Variants in SKA2 observed in about 807,000 individuals in gnomAD.
The protein encoded by SKA2 is spindle and kinetochore-associated protein 2.
Under a neutral mutation model 16.9 loss-of-function variants are expected in SKA2, and 13 were observed. The observed-to-expected ratio is 0.77, with a 90% CI of 0.50 to 1.22. SKA2 has a LOEUF of 1.22. Among genes scored for constraint, SKA2 ranks in the 50% most tolerant of loss-of-function variants. The pLI is 0.00. For missense variants in SKA2, 107 were observed against 139.7 expected (o/e 0.77, Z 1.18); for synonymous variants, 47 against 48.5 (o/e 0.97, Z 0.13).
chr17:59,117,700 T>C (rs1385667359), intron 3 of SKA2, among the ~76,000 whole-genome samples: 1 of 152,006 alleles, frequency 6.6e-6, no homozygotes, highest in Non-Finnish European at 1.5e-5. Flanking sequence ...GCCAAGATTA[T>C]AGGCATGAGC....
At chr17:59,143,490 T>C (rs1044508989) in intron 1 of SKA2, among the ~76,000 whole-genome samples, 1 of 152,196 alleles carries the variant, frequency 6.6e-6, no homozygotes, top group East Asian at 1.9e-4. Context: ...CAAGCGATTC[T>C]TCTGCCTCAG....
intron 2 of SKA2, among the ~76,000 whole-genome samples, chr17:59,125,720 A>T (rs1449262637): frequency 6.6e-6 from 1 of 151,680 alleles, no homozygotes; most frequent in East Asian, 2.0e-4. Flanking sequence ...AAATACATAA[A>T]AATACTCTGC....
intron 1 of SKA2, among the ~76,000 whole-genome samples, chr17:59,134,289 C>A (rs900576334): frequency 2.0e-5 from 3 of 152,140 alleles, no homozygotes; most frequent in Admixed American, 2.0e-4. Flanking sequence ...AATTACTGAA[C>A]AGACCACAAT....
At chr17:59,127,352 A>G (rs2046378623) in intron 2 of SKA2, among the ~76,000 whole-genome samples, 1 of 152,202 alleles carries the variant, frequency 6.6e-6, no homozygotes, top group Non-Finnish European at 1.5e-5. Context: ...ACCATATTAA[A>G]ATGGTAAATG....
chr17:59,144,889 C>T (rs2046520327), intron 1 of SKA2, among the ~76,000 whole-genome samples: 1 of 152,110 alleles, frequency 6.6e-6, no homozygotes, highest in Admixed American at 6.6e-5. Context: ...CTCCACCTCC[C>T]GGGTTCAAGC....
chr17:59,147,285 A>C (rs1290563359), intron 1 of SKA2, among the ~76,000 whole-genome samples: 1 of 152,124 alleles, frequency 6.6e-6, no homozygotes, highest in African/African-American at 2.4e-5. Flanking sequence ...AGCCCACTAG[A>C]GAACAGTAAG....
intron 2 of SKA2, among the ~76,000 whole-genome samples, chr17:59,128,680 T>C (rs977376786): frequency 1.3e-5 from 2 of 150,700 alleles, no homozygotes; most frequent in African/African-American, 4.9e-5. Context: ...TGAAAGGTCA[T>C]ATATTATATG....
In SKA2 at chr17:59,111,756, TG is replaced by T. The variant is rs2046265121; in HGVS notation, c.*520del. ...AGCCAGCTTATTACTTTAGGTTCTGTGGGAGACTACAGGTCACATAAAAGCA... is the reference window on the plus strand; with the variant it reads ...AGCCAGCTTATTACTTTAGGTTCTGTGGAGACTACAGGTCACATAAAAGCA... On this transcript the variant is annotated 3_prime_UTR_variant, in exon 4 of 4. Transcript: ENST00000330137. The T allele has an allele frequency of 6.6e-6, 1 of 152,362 alleles. No homozygotes were observed. The highest frequency in any genetic ancestry group is 1.5e-5 in the Non-Finnish European group (1 of 68,132). The allele number at this position is 152,362 out of a possible 1,614,324, so 9.4% of individuals were successfully genotyped here. A position where few individuals can be genotyped will look rare whatever the true frequency, so the allele number is the denominator to read the frequency against.
intron 1 of SKA2, among the ~76,000 whole-genome samples, chr17:59,143,366 G>T (rs1304543273): frequency 6.6e-6 from 1 of 151,788 alleles, no homozygotes; most frequent in Non-Finnish European, 1.5e-5. Context: ...ACCATACCTG[G>T]CTAATTTTCG....
intron 1 of SKA2, among the ~76,000 whole-genome samples, chr17:59,152,799 C>A (rs1255825691): frequency 6.7e-6 from 1 of 149,998 alleles, no homozygotes; most frequent in African/African-American, 2.5e-5. Flanking sequence ...TAATTAGAGC[C>A]ATGATAAAAA....
intron 1 of SKA2, among the ~76,000 whole-genome samples, chr17:59,148,784 G>A (rs1271874588): frequency 7.0e-6 from 1 of 142,710 alleles, no homozygotes; most frequent in African/African-American, 2.6e-5. Context: ...ACTGCAACCT[G>A]GGTAATAGAA....
chr17:59,112,896 C>T (rs1178311048), intron 3 of SKA2, among the ~76,000 whole-genome samples: 1 of 151,974 alleles, frequency 6.6e-6, no homozygotes, highest in Non-Finnish European at 1.5e-5. Context: ...CAGATACAAC[C>T]ATCTAATTTT....
chr17:59,116,375 A>AAAAC (rs1221821550), intron 3 of SKA2, among the ~76,000 whole-genome samples: 5 of 151,676 alleles, frequency 3.3e-5, no homozygotes, highest in Admixed American at 1.3e-4. Flanking sequence ...TCCGTCTCAA[A>AAAAC]AAACAAACAA....
At chr17:59,131,587 C>G (rs2046412091) in intron 1 of SKA2, among the ~76,000 whole-genome samples, 2 of 152,130 alleles carry the variant, frequency 1.3e-5, no homozygotes, top group South Asian at 4.1e-4. Flanking sequence ...TCATTCATTT[C>G]TCTATGCCTC....
At chr17:59,137,947 G>A (rs145809496) in intron 1 of SKA2, 47 of 373,334 alleles carry the variant, frequency 1.3e-4, no homozygotes, top group African/African-American at 8.4e-4. Context: ...CTGATAAATC[G>A]CGCAAATTTG....
At chr17:59,154,944 G>GT in intron 1 of SKA2, 187 bp downstream of exon 1, 1 of 1,613,548 alleles carries the variant, frequency 6.2e-7, no homozygotes, top group Non-Finnish European at 8.5e-7. Context: ...TTTCCCGGAT[G>GT]TAACCCCTTA....
rs561192038 is a variant in SKA2, at chr17:59,147,906, G to A, written c.33+7225C>T. On this transcript the variant is annotated intron_variant, in intron 1 of 3. Coordinates refer to ENST00000330137, the MANE Select transcript of SKA2 (RefSeq NM_182620.4). ...TGCCCAGGCAGGAGTGCAGTGATGA[G>A]ATCTTGGCTCACTGCAACTTCTGCC... Among the ~76,000 whole-genome samples, 48 of 151,774 alleles carry A rather than the reference G, an allele frequency of 3.2e-4. 2 individuals are homozygous for A. In the South Asian group the frequency reaches 9.4e-3, roughly 30 times the overall value.
chr17:59,119,563 T>A, intron 2 of SKA2, 68 bp from the exon 3 acceptor site: 1 of 1,369,068 alleles, frequency 7.3e-7, no homozygotes, highest in Non-Finnish European at 1.0e-6. Flanking sequence ...ATTAAAATAC[T>A]GTATACATAC....
intron 1 of SKA2, chr17:59,151,164 T>C (rs773052028): frequency 7.8e-6 from 4 of 511,736 alleles, no homozygotes; most frequent in South Asian, 5.8e-5. Context: ...GACAATACTA[T>C]TGCACTGCTA....
Sources: gnomAD v4.1 joint callset for allele counts (sites outside exome capture counted in the v4.1 genomes callset) on GRCh38, gnomAD v4.1.1 for gene constraint, MANE v1.5 for transcripts, NCBI Gene and HGNC (gene_info 2026-07-23, HGNC 2026-07-21) for gene names.